The following CFAP57 variants were observed in gnomAD, a reference collection of about 807,000 sequenced individuals.
CFAP57 encodes cilia- and flagella-associated protein 57.
CFAP57 carries 116 observed loss-of-function variants against 146.8 expected under a neutral mutation model. The ratio of observed to expected loss-of-function variants is 0.79; its 90% confidence interval spans 0.68 to 0.92. The LOEUF is 0.92. Ranked by LOEUF, CFAP57 falls within the 40% of genes least tolerant of loss-of-function variation. The pLI is 0.00. For missense variants in CFAP57, 1,377 were observed against 1,527.2 expected (o/e 0.90, Z 1.64); for synonymous variants, 518 against 552.8 (o/e 0.94, Z 0.88).
intron 6 of CFAP57, among the ~76,000 whole-genome samples, chr1:43,196,838 T>C (rs1164313604): frequency 6.6e-6 from 1 of 152,196 alleles, no homozygotes; most frequent in East Asian, 1.9e-4. Flanking sequence ...AAATCATTCA[T>C]ACAATTTTTC....
At chr1:43,208,350 C>A (rs145339853) in intron 10 of CFAP57, among the ~76,000 whole-genome samples, 10 of 152,086 alleles carry the variant, frequency 6.6e-5, no homozygotes, top group Middle Eastern at 3.2e-3. Flanking sequence ...CACATGCACA[C>A]GTATGTTTAT....
At chr1:43,190,613 T>G (rs1643456664) in intron 6 of CFAP57, among the ~76,000 whole-genome samples, 1 of 152,112 alleles carries the variant, frequency 6.6e-6, no homozygotes, top group South Asian at 2.1e-4. Flanking sequence ...TCTGTAGGTT[T>G]TTTTGAAGAT....
rs183581899 is a variant in CFAP57 at position 43,179,398 on chromosome 1, A to G, written c.158-2136A>G. 5.9e-5 allele frequency among the ~76,000 whole-genome samples: 9 copies of G among 152,356 alleles called. No individual in the cohort carries two copies. In the East Asian group the frequency reaches 1.3e-3, roughly 23 times the overall value. On this transcript the variant is annotated intron_variant, in intron 2 of 22. Transcript: ENST00000372492. ...ATTTTACAAACTCTAAAACCAGTCA[A>G]CATATATCAAGAACATACTAAGTTC... is the stretch of plus-strand genomic sequence containing the variant.
At chr1:43,176,962 G>T (rs560263288) in intron 2 of CFAP57, among the ~76,000 whole-genome samples, 1 of 152,076 alleles carries the variant, frequency 6.6e-6, no homozygotes, top group African/African-American at 2.4e-5. Context: ...TGTGGCTGGA[G>T]TGGTAAGAAC....
chr1:43,230,007 G>C lies in CFAP57; in HGVS notation c.3010-2501G>C, dbSNP rs566055226. ...TTTTCCACACTGGGAAAAGATGCTT[G>C]TTTCCACATAAGGGGCTAGGCTTCT... On this transcript the variant is annotated intron_variant, in intron 18 of 22. Coordinates refer to ENST00000372492, the MANE Select transcript of CFAP57 (RefSeq NM_001378189.1). Among the ~76,000 whole-genome samples, 444 of 152,336 alleles carry C rather than the reference G, an allele frequency of 2.9e-3. 1 individual carries two copies. The highest frequency in any genetic ancestry group is 0.01 in the African/African-American group (430 of 41,568).
intron 15 of CFAP57, 32 bp downstream of exon 15, chr1:43,222,327 T>A: frequency 7.2e-7 from 1 of 1,389,228 alleles, no homozygotes; most frequent in Non-Finnish European, 9.4e-7. Flanking sequence ...GTGCCTCCCT[T>A]TCACAGAGAA....
At chr1:43,214,314 G>T (rs966356291) in intron 11 of CFAP57, among the ~76,000 whole-genome samples, 2 of 152,226 alleles carry the variant, frequency 1.3e-5, no homozygotes, top group Admixed American at 6.5e-5. Flanking sequence ...TCTCCCATTC[G>T]ACAGGTCGTC....
At chr1:43,228,641 G>A (rs1020532160) in intron 18 of CFAP57, among the ~76,000 whole-genome samples, 2 of 149,294 alleles carry the variant, frequency 1.3e-5, no homozygotes, top group African/African-American at 5.0e-5. Context: ...GGATGAGAAA[G>A]GATGCCCCCA....
At chr1:43,237,603 G>A (rs1645753353) in intron 21 of CFAP57, among the ~76,000 whole-genome samples, 1 of 152,194 alleles carries the variant, frequency 6.6e-6, no homozygotes, top group Non-Finnish European at 1.5e-5. Context: ...AGGGGCATTT[G>A]AGCTGAGCCT....
At chr1:43,190,520 T>TTAA (rs1473193455) in intron 6 of CFAP57, among the ~76,000 whole-genome samples, 1 of 152,118 alleles carries the variant, frequency 6.6e-6, no homozygotes, top group African/African-American at 2.4e-5. Context: ...TCCGCCTGCC[T>TTAA]CGGCCTCCTA....
intron 19 of CFAP57, among the ~76,000 whole-genome samples, chr1:43,233,664 A>G (rs1211804856): frequency 6.6e-6 from 1 of 152,144 alleles, no homozygotes; most frequent in Non-Finnish European, 1.5e-5. Context: ...TTATATTGAG[A>G]GGTAGAAAAC....
In CFAP57 at chr1:43,234,126, A is replaced by T. The variant is rs184383997; in HGVS notation, c.3127-153A>T. 6.6e-5 allele frequency among the ~76,000 whole-genome samples: 10 copies of T among 152,074 alleles called. No individual in the cohort carries two copies. In the South Asian group the frequency reaches 2.1e-3, roughly 32 times the overall value. ...CACCTGTTGGCTGTGTGCCCGTCTA[A>T]GTTTCTATGCCCAGTATGGCCCCTG... On this transcript the variant is annotated intron_variant, in intron 19 of 22. Coordinates refer to ENST00000372492, the MANE Select transcript of CFAP57 (RefSeq NM_001378189.1).
chr1:43,185,503 T>C (rs148073520), intron 5 of CFAP57, 147 bp downstream of exon 5: 52 of 769,952 alleles, frequency 6.8e-5, no homozygotes, highest in African/African-American at 6.2e-4. Flanking sequence ...GAGATGTCTG[T>C]CCTGAGAGAG....
rs977337009 is a variant in CFAP57, at chr1:43,224,049, A to G, written c.2710A>G (p.Ser904Gly). The G allele has an allele frequency of 6.5e-7, 1 of 1,550,372 alleles. No homozygotes were observed. Among genetic ancestry groups the G allele is most frequent in the African/African-American group, 1.4e-5 (1 of 73,046 alleles). The change falls in exon 17 of 23, where the codon AGC (serine) becomes GGC (glycine). Residue 904 changes from serine to glycine, a missense_variant. Physicochemically the swap from Ser to Gly is moderately conservative, Grantham distance 56. Coordinates refer to ENST00000372492, the MANE Select transcript of CFAP57 (RefSeq NM_001378189.1). Reference protein sequence around the residue: ...GETGIMRKKFSSLQKEIEERT... With the variant: ...GETGIMRKKFGSLQKEIEERT... Reference sequence around the variant, plus strand: ...TTGTTGCTGTTCGCTTTTCTAGTTCAGCAGCCTACAGAAGGAGATTGAAGA... The same window carrying G: ...TTGTTGCTGTTCGCTTTTCTAGTTCGGCAGCCTACAGAAGGAGATTGAAGA...
chr1:43,176,684 T>TA (rs1383537943), intron 2 of CFAP57, among the ~76,000 whole-genome samples: 2 of 151,982 alleles, frequency 1.3e-5, no homozygotes, highest in African/African-American at 4.8e-5. Flanking sequence ...ACAAACAAAA[T>TA]AAAAAGAAGT....
rs942089027 is a variant in CFAP57 at position 43,224,198 on chromosome 1, A to C, written c.2859A>C (p.Gln953His). ...TCCAGGAAAGAGACGAGACTATTCA[A>C]GACAAGGTGCAGCTCTCCTTCTGTC... ...REIQERDETI[Q>H]DKEKRIYDLK... Residue 953 changes from glutamine (Q) to histidine (H), a missense_variant, in exon 17 of 23, where the codon CAA becomes CAC. Physicochemically the swap from Gln to His is conservative, Grantham distance 24 (BLOSUM62 0). Coordinates refer to ENST00000372492, the MANE Select transcript of CFAP57 (RefSeq NM_001378189.1). 7 of 1,540,972 alleles carry C rather than the reference A, an allele frequency of 4.5e-6. No individual in the cohort carries two copies. In the African/African-American group the frequency reaches 8.2e-5, roughly 18 times the overall value.
intron 11 of CFAP57, among the ~76,000 whole-genome samples, chr1:43,211,966 C>T (rs114386568): frequency 0.022 from 3,310 of 152,262 alleles, 62 homozygotes; most frequent in South Asian, 0.065. Flanking sequence ...TCTCAAGATT[C>T]TTGACACATA....
intron 2 of CFAP57, among the ~76,000 whole-genome samples, chr1:43,178,180 A>G (rs1645245333): frequency 6.6e-6 from 1 of 152,232 alleles, no homozygotes; most frequent in Non-Finnish European, 1.5e-5. Context: ...GAAACCATAA[A>G]AACCCTAGAA....
intron 6 of CFAP57, among the ~76,000 whole-genome samples, chr1:43,196,082 T>C (rs1365171332): frequency 6.6e-6 from 1 of 152,204 alleles, no homozygotes; most frequent in Non-Finnish European, 1.5e-5. Context: ...ATCTTGGATA[T>C]TTAGAATGTG....
Sources: allele counts gnomAD v4.1 joint callset (sites outside exome capture counted in the v4.1 genomes callset), GRCh38; gene constraint gnomAD v4.1.1; transcripts MANE v1.5; gene names NCBI Gene and HGNC (gene_info 2026-07-23, HGNC 2026-07-21).